Variants in SLC35F4 observed in about 807,000 individuals in gnomAD.
The protein encoded by SLC35F4 is chromosome 14 open reading frame 36.
Under a neutral mutation model 44.2 loss-of-function variants are expected in SLC35F4, and 24 were observed. The observed-to-expected ratio is 0.54, with a 90% CI of 0.39 to 0.76. The LOEUF is 0.76. Among genes scored for constraint, SLC35F4 ranks in the 30% least tolerant of loss-of-function variants. SLC35F4 has a pLI of 0.00. For synonymous variants in SLC35F4, 238 were observed against 223.6 expected (o/e 1.06, Z -0.57); for missense variants, 562 against 586.1 (o/e 0.96, Z 0.42).
chr14:57,853,426 C>T (rs1405781779), intron 1 of SLC35F4, among the ~76,000 whole-genome samples: 1 of 152,100 alleles, frequency 6.6e-6, no homozygotes, highest in East Asian at 1.9e-4. Flanking sequence ...AACCAATTGC[C>T]CTGTTTCTCT....
chr14:57,941,870 ATGAATGGG>A (rs1889922204), intron 1 of SLC35F4, among the ~76,000 whole-genome samples: 1 of 152,178 alleles, frequency 6.6e-6, no homozygotes, highest in Admixed American at 6.5e-5. Context: ...TGTAGAATGA[ATGAATGGG>A]TGAATGAGTC....
chr14:57,570,772 A>C (rs1333628891), intron 5 of SLC35F4, among the ~76,000 whole-genome samples: 2 of 152,218 alleles, frequency 1.3e-5, no homozygotes, highest in Non-Finnish European at 2.9e-5. Context: ...TGGTCAGGGG[A>C]AATCCCTCTG....
intron 1 of SLC35F4, among the ~76,000 whole-genome samples, chr14:57,908,607 A>G (rs1261031513): frequency 6.6e-6 from 1 of 152,120 alleles, no homozygotes; most frequent in Non-Finnish European, 1.5e-5. Flanking sequence ...GCCTGTTCAT[A>G]TCCTTTGCCC....
chr14:57,646,796 T>C (rs2073545223), intron 1 of SLC35F4, among the ~76,000 whole-genome samples: 1 of 152,226 alleles, frequency 6.6e-6, no homozygotes, highest in Non-Finnish European at 1.5e-5. Flanking sequence ...GCTTTTAATG[T>C]GACCCAGAGA....
chr14:57,740,284 A>C (rs1225735786), intron 1 of SLC35F4, among the ~76,000 whole-genome samples: 1 of 152,206 alleles, frequency 6.6e-6, no homozygotes, highest in Non-Finnish European at 1.5e-5. Context: ...ATAATTTGTC[A>C]TATACTTCAT....
At chr14:57,626,325 A>G (rs566241991) in intron 1 of SLC35F4, among the ~76,000 whole-genome samples, 142 of 148,170 alleles carry the variant, frequency 9.6e-4, no homozygotes, top group African/African-American at 3.3e-3. Context: ...TATATTTTAA[A>G]AAGGAAACAT....
chr14:57,887,608 AG>A (rs1332931408), intron 1 of SLC35F4, among the ~76,000 whole-genome samples: 3 of 152,128 alleles, frequency 2.0e-5, no homozygotes, highest in Non-Finnish European at 4.4e-5. Context: ...CACCTCAATG[AG>A]GAGTTACACA....
chr14:57,873,639 C>CA (rs1888338668), intron 1 of SLC35F4, among the ~76,000 whole-genome samples: 1 of 151,912 alleles, frequency 6.6e-6, no homozygotes, highest in Admixed American at 6.6e-5. Flanking sequence ...TTAAGATACT[C>CA]AAAATTCAAA....
At chr14:57,922,511 C>T (rs1041351570) in intron 1 of SLC35F4, among the ~76,000 whole-genome samples, 1 of 152,118 alleles carries the variant, frequency 6.6e-6, no homozygotes, top group African/African-American at 2.4e-5. Context: ...TTTCCTAGGG[C>T]AAAGGAGGAG....
intron 1 of SLC35F4, among the ~76,000 whole-genome samples, chr14:57,670,285 T>C (rs1320257937): frequency 6.6e-6 from 1 of 152,130 alleles, no homozygotes; most frequent in Non-Finnish European, 1.5e-5. Flanking sequence ...GAACAGCTCC[T>C]GGATTCATTG....
chr14:57,803,177 C>T (rs1190237825), intron 1 of SLC35F4, among the ~76,000 whole-genome samples: 1 of 152,058 alleles, frequency 6.6e-6, no homozygotes, highest in East Asian at 1.9e-4. Context: ...TGTGATTCAT[C>T]ATATAAACAT....
intron 3 of SLC35F4, among the ~76,000 whole-genome samples, chr14:57,582,008 A>G (rs568137209): frequency 2.0e-5 from 3 of 152,318 alleles, no homozygotes; most frequent in Non-Finnish European, 4.4e-5. Flanking sequence ...CTCCCACATG[A>G]TAAAAACTAT....
intron 1 of SLC35F4, among the ~76,000 whole-genome samples, chr14:57,847,223 T>A (rs1200220672): frequency 6.6e-6 from 1 of 152,178 alleles, no homozygotes; most frequent in Non-Finnish European, 1.5e-5. Flanking sequence ...CTCTTTGGGA[T>A]CTCCTTGGAG....
chr14:57,674,722 G>GA (rs1014525518), intron 1 of SLC35F4, among the ~76,000 whole-genome samples: 1 of 151,982 alleles, frequency 6.6e-6, no homozygotes, highest in Non-Finnish European at 1.5e-5. Flanking sequence ...CTGGGTCAGA[G>GA]AAAAAATGAC....
upstream of SLC35F4, among the ~76,000 whole-genome samples, chr14:57,866,983 A>ATAC (rs1042510787): frequency 6.8e-6 from 1 of 147,528 alleles, no homozygotes; most frequent in African/African-American, 2.5e-5. Flanking sequence ...AATAATAATA[A>ATAC]TAATAATAAT....
intron 1 of SLC35F4, among the ~76,000 whole-genome samples, chr14:57,636,077 G>T (rs2073004116): frequency 6.6e-6 from 1 of 152,094 alleles, no homozygotes; most frequent in Non-Finnish European, 1.5e-5. Flanking sequence ...ATCCAGAGCT[G>T]CCACAGCAAA....
chr14:57,721,012 A>C (rs1365230443), intron 1 of SLC35F4, among the ~76,000 whole-genome samples: 1 of 121,446 alleles, frequency 8.2e-6, no homozygotes, highest in African/African-American at 3.0e-5. Context: ...ATATATATAT[A>C]TATGAGTTAA....
chr14:57,599,818 A>AAC (rs1403460885), intron 1 of SLC35F4, among the ~76,000 whole-genome samples: 1 of 151,200 alleles, frequency 6.6e-6, no homozygotes, highest in African/African-American at 2.4e-5. Context: ...AAAAAAAAAA[A>AAC]ACAACACCAG....
intron 1 of SLC35F4, among the ~76,000 whole-genome samples, chr14:57,594,667 G>C (rs2070389054): frequency 6.6e-6 from 1 of 152,202 alleles, no homozygotes; most frequent in Admixed American, 6.5e-5. Flanking sequence ...ACAGTGTTCT[G>C]TGATTTTCCA....
Sources: gnomAD v4.1 joint callset for allele counts (sites outside exome capture counted in the v4.1 genomes callset) on GRCh38, gnomAD v4.1.1 for gene constraint, MANE v1.5 for transcripts, NCBI Gene and HGNC (gene_info 2026-07-23, HGNC 2026-07-21) for gene names.